The following ZC3H7B variants were observed in gnomAD, a reference collection of about 807,000 sequenced individuals.
ZC3H7B encodes zinc finger CCCH domain-containing protein 7B.
Under a neutral mutation model 116.0 loss-of-function variants are expected in ZC3H7B, and 35 were observed. The ratio of observed to expected loss-of-function variants is 0.30; its 90% CI spans 0.23 to 0.40. The LOEUF (loss-of-function observed/expected upper bound fraction) is 0.40, where lower values mean the gene tolerates loss of function less well. Among genes scored for constraint, ZC3H7B ranks in the 10% least tolerant of loss-of-function variants. The pLI is 1.00. For missense variants in ZC3H7B, 1,011 were observed against 1,321.5 expected (o/e 0.77, Z 3.64); for synonymous variants, 502 against 545.6 (o/e 0.92, Z 1.11).
chr22:41,338,288 CGCCA>C lies in ZC3H7B; in HGVS notation c.583-24_583-21del, dbSNP rs199569155. The C allele has an allele frequency of 6.2e-4, 996 of 1,608,744 alleles. 7 individuals are homozygous for C. The East Asian group carries it at 0.02, about 32-fold the overall frequency. ...GGGATCGGGGCCTTCCCAGCCACAG[CGCCA>C]CTGTGGCCCTCTCCCCACAGGGAAC... On this transcript the variant is annotated intron_variant, in intron 7 of 22. Coordinates refer to ENST00000352645, the MANE Select transcript of ZC3H7B (RefSeq NM_017590.6). The surrounding 1 kb of genome is among the most constrained non-coding windows in gnomAD (Gnocchi z 4.5).
chr22:41,349,657 C>T lies in ZC3H7B; in HGVS notation c.1948+356C>T, dbSNP rs1308679605. ...AGCAAGTCCCCGCTCCTCACTGAGC[C>T]TCCAGTGCTCATCTGGGAAATGGGG... is the stretch of plus-strand genomic sequence containing the variant. On this transcript the variant is annotated intron_variant, in intron 16 of 22. Transcript: ENST00000352645. This position sits in a 1 kb window ranked among gnomAD's most constrained non-coding sequence, Gnocchi z 4.9. 1.3e-5 allele frequency among the ~76,000 whole-genome samples: 2 copies of T among 152,196 alleles called. No individual in the cohort carries two copies. Among genetic ancestry groups the T allele is most frequent in the African/African-American group, 4.8e-5 (2 of 41,446 alleles).
intron 13 of ZC3H7B, among the ~76,000 whole-genome samples, chr22:41,345,428 A>C (rs1187710590): frequency 6.6e-6 from 1 of 152,070 alleles, no homozygotes; most frequent in Admixed American, 6.6e-5. Context: ...TTTACTAAAA[A>C]TACAAAATTA....
rs936904848 is a variant in ZC3H7B, at chr22:41,346,371, C to G, written c.1665+163C>G. Among the ~76,000 whole-genome samples, 19 of 152,184 alleles carry G rather than the reference C, an allele frequency of 1.2e-4. No individual in the cohort carries two copies. The highest frequency in any genetic ancestry group is 2.5e-4 in the Non-Finnish European group (17 of 68,024). On this transcript the variant is annotated intron_variant, in intron 14 of 22. Coordinates refer to ENST00000352645, the MANE Select transcript of ZC3H7B (RefSeq NM_017590.6). This position sits in a 1 kb window ranked among gnomAD's most constrained non-coding sequence, Gnocchi z 5.3. ...CCTGGAGGGTCAGTAAGTCTGGGCC[C>G]TAGGATCCTATCTTGCTAGAGGCCA...
Position 41,357,544 on chromosome 22 carries a change from GC to G in ZC3H7B, c.*120del, listed in dbSNP as rs1569245830. 4 of 975,896 alleles carry G rather than the reference GC, an allele frequency of 4.1e-6. No individual in the cohort carries two copies. Among genetic ancestry groups the G allele is most frequent in the Non-Finnish European group, 5.8e-6 (4 of 695,308 alleles). The allele number at this position is 975,896 out of a possible 1,614,324, so 60.5% of individuals were successfully genotyped here. A position where few individuals can be genotyped will look rare whatever the true frequency, so the allele number is the denominator to read the frequency against. On this transcript the variant is annotated 3_prime_UTR_variant, in exon 23 of 23. Transcript: ENST00000352645. This position sits in a 1 kb window ranked among gnomAD's most constrained non-coding sequence, Gnocchi z 5.4. Reference sequence around the variant, plus strand: ...GGTGGGGGGCCGCCCTCATCAGGCAGCCCCCAGCCCCCTGAGGCCCTGTCCA... The same window carrying G: ...GGTGGGGGGCCGCCCTCATCAGGCAGCCCCAGCCCCCTGAGGCCCTGTCCA...
chr22:41,314,950 C>CA (rs1351776312), intron 1 of ZC3H7B, among the ~76,000 whole-genome samples: 9 of 77,934 alleles, frequency 1.2e-4, no homozygotes, highest in South Asian at 7.2e-4. Flanking sequence ...ACCCTGTCTC[C>CA]AAAAAAAATA....
chr22:41,317,107 G>A (rs9611555), intron 1 of ZC3H7B, among the ~76,000 whole-genome samples: 39,392 of 151,902 alleles, frequency 0.26, 6,639 homozygotes, highest in Admixed American at 0.48. Flanking sequence ...CAAAGTGCTG[G>A]GATTACAGGC....
rs188139899 is a variant in ZC3H7B at position 41,351,768 on chromosome 22, T to C, written c.2034+122T>C. 3 of 849,502 alleles carry C rather than the reference T, an allele frequency of 3.5e-6. No individual in the cohort carries two copies. The highest frequency in any genetic ancestry group is 2.7e-5 in the East Asian group (1 of 36,802). 52.6% of individuals were successfully genotyped at this position (849,502 alleles called of 1,614,324 possible). A position where few individuals can be genotyped will look rare whatever the true frequency, so the allele number is the denominator to read the frequency against. On this transcript the variant is annotated intron_variant, in intron 17 of 22. Transcript: ENST00000352645. This position sits in a 1 kb window ranked among gnomAD's most constrained non-coding sequence, Gnocchi z 5.1. ...CAATGGAGGCACCTCGAATAAGTTATGAAAGTAACTTGGATAATGTACACA... is the reference window on the plus strand; with the variant it reads ...CAATGGAGGCACCTCGAATAAGTTACGAAAGTAACTTGGATAATGTACACA...
At chr22:41,320,941 T>C (rs1247037104) in intron 2 of ZC3H7B, among the ~76,000 whole-genome samples, 1 of 152,176 alleles carries the variant, frequency 6.6e-6, no homozygotes, top group Non-Finnish European at 1.5e-5. Flanking sequence ...TTCAATCTTG[T>C]CCAGTAGGTA....
chr22:41,343,475 T>C lies in ZC3H7B; in HGVS notation c.1358T>C (p.Ile453Thr). The C allele has an allele frequency of 1.9e-6, 3 of 1,613,846 alleles. No homozygotes were observed. Among genetic ancestry groups the C allele is most frequent in the Non-Finnish European group, 2.5e-6 (3 of 1,179,908 alleles). Residue 453 changes from isoleucine (I) to threonine (T), a missense_variant, in exon 13 of 23, where the codon ATC becomes ACC. Coordinates refer to ENST00000352645, the MANE Select transcript of ZC3H7B (RefSeq NM_017590.6). ...EGLEHKCKRD[I>T]LLGRLRSSED... ...CTTGAGCACAAGTGCAAGCGGGACA[T>C]CCTGCTCGGCCGGCTCCGGAGCTCG... is the stretch of plus-strand genomic sequence containing the variant.
Position 41,359,101 on chromosome 22 carries a change from A to G in ZC3H7B, c.*1672A>G, listed in dbSNP as rs5751084. 0.31 allele frequency: 47,468 copies of G among 152,736 alleles called. 8,610 individuals are homozygous for G. Among genetic ancestry groups the G allele is most frequent in the East Asian group, 0.52 (2,711 of 5,164 alleles). The allele number at this position is 152,736 out of a possible 1,614,324, so 9.5% of individuals were successfully genotyped here. A position where few individuals can be genotyped will look rare whatever the true frequency, so the allele number is the denominator to read the frequency against. Reference sequence around the variant, plus strand: ...CCCCACCCCCTGGCCGCAGCAGGCCAGCACTGCAGAGTTTGGGTGCTGGTG... The same window carrying G: ...CCCCACCCCCTGGCCGCAGCAGGCCGGCACTGCAGAGTTTGGGTGCTGGTG... On this transcript the variant is annotated 3_prime_UTR_variant, in exon 23 of 23. Transcript: ENST00000352645.
rs1447251200 is a variant in ZC3H7B at position 41,343,598 on chromosome 22, A to G, written c.1459+22A>G. On this transcript the variant is annotated intron_variant, in intron 13 of 22. Coordinates refer to ENST00000352645, the MANE Select transcript of ZC3H7B (RefSeq NM_017590.6). ...AAAGGTGGGTGGGCTGCAGCGGGGC[A>G]GGCAGCACAGCTGGGGCCCAGCCCC... is the stretch of plus-strand genomic sequence containing the variant. 1.9e-6 allele frequency: 3 copies of G among 1,572,590 alleles called. No homozygotes were observed. In the South Asian group the frequency reaches 3.5e-5, roughly 18 times the overall value.
intron 4 of ZC3H7B, among the ~76,000 whole-genome samples, chr22:41,326,750 C>T (rs563666614): frequency 1.3e-5 from 2 of 152,352 alleles, no homozygotes; most frequent in African/African-American, 2.4e-5. Context: ...ACACCTCTGC[C>T]ATCCAGCGAA....
intron 1 of ZC3H7B, among the ~76,000 whole-genome samples, chr22:41,316,596 CTT>C (rs371933916): frequency 7.1e-5 from 7 of 98,912 alleles, no homozygotes; most frequent in Non-Finnish European, 5.6e-5. Flanking sequence ...CACACCTGGC[CTT>C]TTTTTTTTTT....
intron 7 of ZC3H7B, chr22:41,335,108 G>A (rs1160086644): frequency 1.3e-5 from 2 of 152,326 alleles, no homozygotes; most frequent in African/African-American, 4.8e-5. Flanking sequence ...CAAAGGCTAA[G>A]CAGCAAAAGA....
chr22:41,327,933 G>C lies in ZC3H7B; in HGVS notation c.444+569G>C, dbSNP rs935005163. On this transcript the variant is annotated intron_variant, in intron 5 of 22. Coordinates refer to ENST00000352645, the MANE Select transcript of ZC3H7B (RefSeq NM_017590.6). This position sits in a 1 kb window ranked among gnomAD's most constrained non-coding sequence, Gnocchi z 4.5. ...GAGCTCAGGAGTTTGCAACTAGCCT[G>C]AGCAACATAGCAAGACCCTGTTTCA... Among the ~76,000 whole-genome samples, 1 of 152,148 alleles carries C rather than the reference G, an allele frequency of 6.6e-6. No individual in the cohort carries two copies. The highest frequency in any genetic ancestry group is 1.5e-5 in the Non-Finnish European group (1 of 68,028).
At chr22:41,350,434 G>A (rs751347295) in intron 16 of ZC3H7B, among the ~76,000 whole-genome samples, 6 of 152,188 alleles carry the variant, frequency 3.9e-5, no homozygotes, top group Non-Finnish European at 7.4e-5. Flanking sequence ...GCTGGGTGGA[G>A]ATCGAGGAGC....
At chr22:41,333,095 A>G (rs548965061) in intron 7 of ZC3H7B, 1 of 152,356 alleles carries the variant, frequency 6.6e-6, no homozygotes, top group Non-Finnish European at 1.5e-5. Context: ...CACCTTGTAC[A>G]TTAAGGGAAA....
chr22:41,329,528 G>A (rs150574885), intron 5 of ZC3H7B, among the ~76,000 whole-genome samples: 294 of 152,106 alleles, frequency 1.9e-3, no homozygotes, highest in African/African-American at 6.8e-3. Context: ...CAAAGTGCTG[G>A]GATTACAGGC....
chr22:41,329,149 G>C (rs1052365618), intron 5 of ZC3H7B, among the ~76,000 whole-genome samples: 8 of 150,738 alleles, frequency 5.3e-5, no homozygotes, highest in Non-Finnish European at 7.4e-5. Flanking sequence ...AGGTTGTAGT[G>C]AGCTGAGATC....
Sources: gnomAD v4.1 joint callset for allele counts (sites outside exome capture counted in the v4.1 genomes callset) on GRCh38, gnomAD v4.1.1 for gene constraint, Gnocchi (gnomAD v3.1) non-coding constraint, MANE v1.5 for transcripts, NCBI Gene and HGNC (gene_info 2026-07-23, HGNC 2026-07-21) for gene names.